Variants in PTPRA observed in about 807,000 individuals in gnomAD.
The protein encoded by PTPRA is protein tyrosine phosphatase receptor type A, also known as receptor-type tyrosine-protein phosphatase alpha.
Under a neutral mutation model 104.8 loss-of-function variants are expected in PTPRA, and 25 were observed. The ratio of observed to expected loss-of-function variants is 0.24; its 90% CI spans 0.17 to 0.33. PTPRA has a LOEUF of 0.33. PTPRA is among the 10% of genes least tolerant of loss of function. PTPRA has a pLI of 1.00. For missense variants in PTPRA, 765 were observed against 1,015.3 expected, an observed-to-expected ratio of 0.75 and a Z score of 3.35; for synonymous variants, 323 against 368.9, an observed-to-expected ratio of 0.88 and a Z score of 1.43.
intron 9 of PTPRA, among the ~76,000 whole-genome samples, chr20:2,991,009 G>A (rs1277773476): frequency 6.6e-6 from 1 of 152,020 alleles, no homozygotes; most frequent in East Asian, 1.9e-4. Context: ...ACCCTTTTTG[G>A]GGGCTATTGG....
At position 3,035,984 on chromosome 20, in the gene PTPRA, A is replaced by AG. The variant is rs767330254; in HGVS notation, c.2198+47dup. On this transcript the variant is annotated intron_variant, in intron 22 of 23. Coordinates refer to ENST00000399903, the MANE Select transcript of PTPRA (RefSeq NM_001385305.1). This position sits in a 1 kb window ranked among gnomAD's most constrained non-coding sequence, Gnocchi z 5.8. ...CCTCAGCGGGAGAGAGAAAGCGAGG[A>AG]GGGGCAGATAGGGGAAGCTGATGAC... The AG allele has an allele frequency of 6.2e-7, 1 of 1,610,660 alleles. No homozygotes were observed. Among genetic ancestry groups the AG allele is most frequent in the Non-Finnish European group, 8.5e-7 (1 of 1,178,836 alleles).
chr20:2,866,208 C>G, the PTPRA span: 1 of 1,613,934 alleles, frequency 6.2e-7, no homozygotes, highest in African/African-American at 1.3e-5. Context: ...TCCTCTCCTC[C>G]AAGCCTTTTG....
In PTPRA at chr20:3,024,616, T is replaced by G. The variant is rs1268179651; in HGVS notation, c.1609T>G (p.Phe537Val). 1 of 1,613,394 alleles carries G rather than the reference T, an allele frequency of 6.2e-7. No individual in the cohort carries two copies. Among genetic ancestry groups the G allele is most frequent in the African/African-American group, 1.3e-5 (1 of 74,710 alleles). Residue 537 changes from phenylalanine (F) to valine (V), a missense_variant, in exon 17 of 24, where the codon TTT (phenylalanine) becomes GTT (valine). Transcript: ENST00000399903. ...CAGCAACAATGGATTAGAGGAGGAGTTTAAGGTGAGTTGGAGCTGGATAAC... is the reference window on the plus strand; with the variant it reads ...CAGCAACAATGGATTAGAGGAGGAGGTTAAGGTGAGTTGGAGCTGGATAAC... ...GTSNNGLEEE[F>V]KKLTSIKIQN...
rs183839058 is a variant in PTPRA at position 2,912,404 on chromosome 20, G to C, written c.-128-10803G>C. Among the ~76,000 whole-genome samples, 288 of 151,776 alleles carry C rather than the reference G, an allele frequency of 1.9e-3. 1 individual carries two copies. The highest frequency in any genetic ancestry group is 3.3e-3 in the Non-Finnish European group (225 of 67,880). On this transcript the variant is annotated intron_variant, in intron 1 of 23. Coordinates refer to ENST00000399903, the MANE Select transcript of PTPRA (RefSeq NM_001385305.1). ...TTTGGGAGGCCGAGGCAAGTGGATT[G>C]CTTGAGCTCAGGAGTTCAAGACCAG...
At chr20:2,964,815 C>T (rs1337422797) in intron 4 of PTPRA, 46 bp from the exon 5 acceptor site, 2 of 1,494,432 alleles carry the variant, frequency 1.3e-6, no homozygotes, top group South Asian at 2.4e-5. Context: ...AGCTTTTTAG[C>T]CTCACATTCT....
At chr20:2,984,710 T>C (rs2148116724) in intron 6 of PTPRA, among the ~76,000 whole-genome samples, 1 of 152,328 alleles carries the variant, frequency 6.6e-6, no homozygotes, top group Middle Eastern at 3.4e-3. Flanking sequence ...TCTGCTGGCT[T>C]TTGCCCACCT....
intron 14 of PTPRA, 136 bp from the exon 15 acceptor site, chr20:3,021,918 G>A (rs1431734275): frequency 1.4e-5 from 16 of 1,125,518 alleles, no homozygotes; most frequent in Non-Finnish European, 1.9e-5. Context: ...GAGACCTTGT[G>A]TCTGTGGTTA....
chr20:2,920,594 TGAGGA>T (rs1311409155), intron 1 of PTPRA, among the ~76,000 whole-genome samples: 2 of 152,050 alleles, frequency 1.3e-5, no homozygotes, highest in African/African-American at 2.4e-5. Flanking sequence ...GTGCTTCTGC[TGAGGA>T]GAGGAAATTC....
intron 5 of PTPRA, among the ~76,000 whole-genome samples, chr20:2,969,265 T>C (rs2062065238): frequency 1.3e-5 from 2 of 149,314 alleles, no homozygotes; most frequent in East Asian, 2.0e-4. Flanking sequence ...TTTTTTTTTC[T>C]TTGAGACAGT....
rs1600228238 is a variant in PTPRA, at chr20:2,995,836, G to A, written c.738+7362G>A. On this transcript the variant is annotated intron_variant, in intron 9 of 23. Transcript: ENST00000399903. ...GTTTTGTTCTCTAATATTGTCAGAA[G>A]TAATCCTACTCCTTGGTTTCAACAT... 3.9e-5 allele frequency among the ~76,000 whole-genome samples: 6 copies of A among 152,288 alleles called. No individual in the cohort carries two copies. In the South Asian group the frequency reaches 1.2e-3, roughly 32 times the overall value.
intron 1 of PTPRA, among the ~76,000 whole-genome samples, chr20:2,888,534 A>G (rs2090499793): frequency 6.6e-6 from 1 of 152,084 alleles, no homozygotes; most frequent in Non-Finnish European, 1.5e-5. Flanking sequence ...CCTGGGCAGC[A>G]GAGTGAGACC....
chr20:3,014,454 A>T (rs551159633), intron 11 of PTPRA, among the ~76,000 whole-genome samples: 13 of 152,144 alleles, frequency 8.5e-5, no homozygotes, highest in African/African-American at 3.1e-4. Context: ...CGTGGCCAAC[A>T]TGGTGAAACC....
At chr20:2,985,255 T>C (rs1161362537) in intron 6 of PTPRA, among the ~76,000 whole-genome samples, 1 of 152,090 alleles carries the variant, frequency 6.6e-6, no homozygotes, top group Non-Finnish European at 1.5e-5. Context: ...TCAGGGCAAA[T>C]AGATTAAGGA....
intron 1 of PTPRA, among the ~76,000 whole-genome samples, chr20:2,883,788 G>C (rs2090210674): frequency 6.6e-6 from 1 of 151,806 alleles, no homozygotes; most frequent in Non-Finnish European, 1.5e-5. Context: ...AAAATGTACA[G>C]TTCTGTGGTT....
chr20:2,948,913 C>G (rs780170437), intron 3 of PTPRA, among the ~76,000 whole-genome samples: 2 of 152,026 alleles, frequency 1.3e-5, no homozygotes, highest in African/African-American at 4.8e-5. Context: ...GATTGCACCA[C>G]TGCACTCCAG....
chr20:2,993,177 C>T, intron 9 of PTPRA, among the ~76,000 whole-genome samples: 1 of 152,172 alleles, frequency 6.6e-6, no homozygotes, highest in East Asian at 1.9e-4. Context: ...AAGGTATCTG[C>T]TGTCTCCAAA....
At chr20:3,013,419 ATT>A (rs11475407) in intron 11 of PTPRA, among the ~76,000 whole-genome samples, 61 of 144,856 alleles carry the variant, frequency 4.2e-4, no homozygotes, top group African/African-American at 4.8e-4. Flanking sequence ...AATATATAGG[ATT>A]TTTTTTTTTT....
intron 17 of PTPRA, 39 bp from the exon 18 acceptor site, chr20:3,026,648 C>T: frequency 6.7e-7 from 1 of 1,498,940 alleles, no homozygotes; most frequent in Non-Finnish European, 9.3e-7. Flanking sequence ...AGTTCAGTTA[C>T]TGGGATCAGT....
At chr20:2,883,264 A>G (rs1308178769) in intron 1 of PTPRA, among the ~76,000 whole-genome samples, 1 of 152,196 alleles carries the variant, frequency 6.6e-6, no homozygotes, top group Non-Finnish European at 1.5e-5. Flanking sequence ...TGAACCTAGC[A>G]AATATCATTT....
Sources: allele counts gnomAD v4.1 joint callset (sites outside exome capture counted in the v4.1 genomes callset), GRCh38; gene constraint gnomAD v4.1.1; non-coding constraint Gnocchi (gnomAD v3.1); transcripts MANE v1.5; gene names NCBI Gene and HGNC (gene_info 2026-07-23, HGNC 2026-07-21).